Variants in NCEH1 observed in about 807,000 individuals in gnomAD.
The protein encoded by NCEH1 is neutral cholesterol ester hydrolase 1, also known as 2-acetyl MAGE hydrolase.
NCEH1 carries 9 observed loss-of-function variants against 25.4 expected under a neutral mutation model. That is an observed-to-expected ratio of 0.35 (90% CI 0.21 to 0.62). The LOEUF (loss-of-function observed/expected upper bound fraction) is 0.62. NCEH1 is among the 20% of genes least tolerant of loss of function. The pLI is 0.72. For synonymous variants in NCEH1, 200 were observed against 199.8 expected, an observed-to-expected ratio of 1.00 and a Z score of -0.01; for missense variants, 412 against 501.1, an observed-to-expected ratio of 0.82 and a Z score of 1.70.
intron 1 of NCEH1, chr3:172,681,100 C>T (rs562200606): frequency 2.0e-5 from 3 of 151,090 alleles, no homozygotes; most frequent in African/African-American, 7.3e-5. Context: ...AGGCTCAGGG[C>T]CCTGAGGACC....
chr3:172,634,171 A>G (rs574223228), intron 4 of NCEH1, 79 bp from the exon 5 acceptor site: 1 of 1,317,794 alleles, frequency 7.6e-7, no homozygotes, highest in Non-Finnish European at 1.0e-6. Context: ...GAGTAGCTTC[A>G]TGTGTTACTC....
In NCEH1 at chr3:172,711,066, G is replaced by A. The variant is rs770319169; in HGVS notation, c.-82C>T. On this transcript the variant is annotated 5_prime_UTR_variant, in exon 1 of 5. Transcript: ENST00000475381. ...GGAGACCTCCGGCAACTTTCTGCCC[G>A]CGGCAGCTGCTCATTCACGCGTTTC... The A allele has an allele frequency of 8.1e-6, 13 of 1,608,156 alleles. No individual in the cohort carries two copies. The highest frequency in any genetic ancestry group is 1.7e-5 in the Admixed American group (1 of 59,858).
chr3:172,633,378 A>G lies in NCEH1; in HGVS notation c.*97T>C. The stretch of plus-strand genomic sequence containing the variant: ...ATTCCATAACTCGCAAGTAGAGGGG[A>G]ATGGGAGGAAGAATTAGTCAACTAA... On this transcript the variant is annotated 3_prime_UTR_variant, in exon 5 of 5. Coordinates refer to ENST00000475381, the MANE Select transcript of NCEH1 (RefSeq NM_020792.6). The G allele has an allele frequency of 1.8e-6, 2 of 1,120,036 alleles. No individual in the cohort carries two copies. Among genetic ancestry groups the G allele is most frequent in the South Asian group, 1.5e-5 (1 of 66,098 alleles). The allele number at this position is 1,120,036 out of a possible 1,614,324, so 69.4% of individuals were successfully genotyped here.
At chr3:172,668,390 T>C (rs1718327838) in intron 1 of NCEH1, among the ~76,000 whole-genome samples, 2 of 132,684 alleles carry the variant, frequency 1.5e-5, no homozygotes, top group Admixed American at 1.7e-4. Flanking sequence ...AGTCTCGCTC[T>C]GTTGCCCAGG....
intron 1 of NCEH1, among the ~76,000 whole-genome samples, chr3:172,665,355 T>G (rs1718157972): frequency 6.6e-6 from 1 of 152,088 alleles, no homozygotes; most frequent in South Asian, 2.1e-4. Flanking sequence ...TCTGGAAGCT[T>G]TGTCTCAGAG....
At chr3:172,702,267 A>G (rs1177010038) in intron 1 of NCEH1, among the ~76,000 whole-genome samples, 2 of 152,246 alleles carry the variant, frequency 1.3e-5, no homozygotes, top group African/African-American at 4.8e-5. Flanking sequence ...CACAAAGCAC[A>G]TAGCACAGTA....
chr3:172,633,797 G>A lies in NCEH1; in HGVS notation c.905C>T (p.Pro302Leu), dbSNP rs1716479312. ...GGCATTGCCTGTGGTCTGTACAACA[G>A]GCTTGTAGTTCTTTGTGAAGGATGC... ...LPASFTKNYKPVVQTTGNARI... is the reference protein window; with the variant it reads ...LPASFTKNYKLVVQTTGNARI... The change falls in exon 5 of 5, where the codon CCT (proline) becomes CTT (leucine). Residue 302 changes from proline to leucine, a missense_variant. Around this residue, in one of 3 missense-constraint regions of NCEH1, gnomAD observed 210 missense variants for 258.2 expected, o/e 0.81. Transcript: ENST00000475381. The A allele has an allele frequency of 1.2e-6, 2 of 1,614,108 alleles. No homozygotes were observed. The highest frequency in any genetic ancestry group is 1.7e-6 in the Non-Finnish European group (2 of 1,180,056).
chr3:172,672,646 C>T (rs1560195617), intron 1 of NCEH1, among the ~76,000 whole-genome samples: 1 of 152,140 alleles, frequency 6.6e-6, no homozygotes. Flanking sequence ...CTTAGAGAAC[C>T]TCCTGAAGGG....
In NCEH1 at chr3:172,633,216, C is replaced by G. The variant is rs3733023; in HGVS notation, c.*259G>C. 131,468 of 434,684 alleles carry G rather than the reference C, an allele frequency of 0.3. 20,946 individuals are homozygous for G. Among genetic ancestry groups the G allele is most frequent in the Non-Finnish European group, 0.33 (80,611 of 240,794 alleles). 26.9% of individuals were successfully genotyped at this position (434,684 alleles called of 1,614,324 possible). ...TCCTGCTTTCTGTAGCTGTAGGTATCAGTATAGTTGGCTAAGATAACAAGA... is the reference window on the plus strand; with the variant it reads ...TCCTGCTTTCTGTAGCTGTAGGTATGAGTATAGTTGGCTAAGATAACAAGA... On this transcript the variant is annotated 3_prime_UTR_variant, in exon 5 of 5. Transcript: ENST00000475381.
intron 1 of NCEH1, among the ~76,000 whole-genome samples, chr3:172,706,065 C>T: frequency 6.7e-6 from 1 of 148,420 alleles, no homozygotes; most frequent in South Asian, 2.2e-4. Context: ...TGGGAATCTT[C>T]TTCAGCCTCT....
In NCEH1 at chr3:172,652,348, G is replaced by A. The variant is rs143886156; in HGVS notation, c.139-4234C>T. ...CCAAGAGTTCAACAGGAATAGAAAT[G>A]TGTGCTAATGGATTTGAAAGATCTA... On this transcript the variant is annotated intron_variant, in intron 1 of 4. Coordinates refer to ENST00000475381, the MANE Select transcript of NCEH1 (RefSeq NM_020792.6). Among the ~76,000 whole-genome samples the A allele has an allele frequency of 5.3e-3, 809 of 152,306 alleles. 6 individuals carry two copies. Among genetic ancestry groups the A allele is most frequent in the African/African-American group, 0.019 (785 of 41,552 alleles).
Position 172,666,106 on chromosome 3 carries a change from G to A in NCEH1, c.139-17992C>T, listed in dbSNP as rs1015127424. ...GTAGACTGGAGCTGCTTCTATTCTT[G>A]GAACCCAAGCCATTTCTTTTCTAAC... On this transcript the variant is annotated intron_variant, in intron 1 of 4. Transcript: ENST00000475381. Among the ~76,000 whole-genome samples, 3 of 152,196 alleles carry A rather than the reference G, an allele frequency of 2.0e-5. No individual in the cohort carries two copies. The South Asian group carries it at 6.2e-4, about 31-fold the overall frequency.
At chr3:172,644,115 C>CAGGGCTTTTGGGTGACTCT (rs1716995476) in intron 3 of NCEH1, among the ~76,000 whole-genome samples, 3 of 148,890 alleles carry the variant, frequency 2.0e-5, no homozygotes, top group African/African-American at 7.5e-5. Flanking sequence ...TGGGTGACTG[C>CAGGGCTTTTGGGTGACTCT]AGGGCTTTTG....
chr3:172,664,342 T>C (rs1412034652), intron 1 of NCEH1, among the ~76,000 whole-genome samples: 1 of 152,262 alleles, frequency 6.6e-6, no homozygotes, highest in East Asian at 1.9e-4. Context: ...ATTGGTCGGA[T>C]GGGCTTCCCT....
At chr3:172,658,118 T>C (rs1270321368) in intron 1 of NCEH1, among the ~76,000 whole-genome samples, 1 of 152,150 alleles carries the variant, frequency 6.6e-6, no homozygotes, top group African/African-American at 2.4e-5. Flanking sequence ...TGCAGTAAAG[T>C]AGCCGGATAA....
chr3:172,706,031 AAC>A (rs1491574215), intron 1 of NCEH1, among the ~76,000 whole-genome samples: 11 of 127,074 alleles, frequency 8.7e-5, no homozygotes, highest in Middle Eastern at 8.1e-3. Flanking sequence ...AAAAAAAAAA[AAC>A]CCATGTCTTG....
At chr3:172,693,119 G>A (rs937172734) in intron 1 of NCEH1, among the ~76,000 whole-genome samples, 1 of 152,196 alleles carries the variant, frequency 6.6e-6, no homozygotes, top group South Asian at 2.1e-4. Flanking sequence ...GTTTGGGATT[G>A]TCTACATCTT....
chr3:172,645,742 G>C lies in NCEH1; in HGVS notation c.368-50C>G, dbSNP rs1717090002. 3 of 1,119,092 alleles carry C rather than the reference G, an allele frequency of 2.7e-6. No homozygotes were observed. The East Asian group carries it at 7.7e-5, about 29-fold the overall frequency. 69.3% of individuals were successfully genotyped at this position (1,119,092 alleles called of 1,614,324 possible). On this transcript the variant is annotated intron_variant, in intron 2 of 4. Transcript: ENST00000475381. ...ATTACAAAACAGGTCATTTAATACTGTCCACTCATAAATTCTGCTAAGTGT... is the reference window on the plus strand; with the variant it reads ...ATTACAAAACAGGTCATTTAATACTCTCCACTCATAAATTCTGCTAAGTGT...
intron 2 of NCEH1, among the ~76,000 whole-genome samples, chr3:172,647,157 A>C (rs1049826248): frequency 1.3e-5 from 2 of 152,218 alleles, no homozygotes; most frequent in African/African-American, 4.8e-5. Flanking sequence ...ACAAGTTGCC[A>C]TTGCTTTTAA....
Sources: allele counts gnomAD v4.1 joint callset (sites outside exome capture counted in the v4.1 genomes callset), GRCh38; gene constraint gnomAD v4.1.1; regional missense constraint gnomAD v4.1.1; transcripts MANE v1.5; gene names NCBI Gene and HGNC (gene_info 2026-07-23, HGNC 2026-07-21).